The following GFOD2 variants were observed in gnomAD, a reference collection of about 807,000 sequenced individuals.
GFOD2 encodes the protein glucose-fructose oxidoreductase domain-containing protein 2.
Under a neutral mutation model 24.6 loss-of-function variants are expected in GFOD2, and 9 were observed. The observed-to-expected ratio is 0.37, with a 90% CI of 0.22 to 0.64. GFOD2 has a LOEUF of 0.64. Among genes scored for constraint, GFOD2 ranks in the 30% least tolerant of loss-of-function variants. The pLI is 0.65. For synonymous variants in GFOD2, 211 were observed against 224.8 expected, an observed-to-expected ratio of 0.94 and a Z score of 0.55; for missense variants, 476 against 532.5, an observed-to-expected ratio of 0.89 and a Z score of 1.04.
chr16:67,675,184 A>G lies in GFOD2; in HGVS notation c.1129T>C (p.Cys377Arg), dbSNP rs749180448. ...AGGTTGTTCCGCTGAAGTGCCTCAC[A>G]CAGGTTCTGGTTGGTGTCGGGCTCC... ...TEEPDTNQNLCEALQRNNL is the reference protein window; with the variant it reads ...TEEPDTNQNLREALQRNNL Residue 377 changes from cysteine to arginine, a missense_variant, in exon 3 of 3, where the codon TGT becomes CGT. Physicochemically the swap from Cys to Arg is radical, Grantham distance 180 (BLOSUM62 -3). Transcript: ENST00000268797. 1.2e-6 allele frequency: 2 copies of G among 1,613,846 alleles called. No homozygotes were observed. The highest frequency in any genetic ancestry group is 1.7e-5 in the Admixed American group (1 of 60,020).
intron 1 of GFOD2, among the ~76,000 whole-genome samples, chr16:67,687,533 C>T (rs187853000): frequency 0.011 from 1,634 of 147,204 alleles, 11 homozygotes; most frequent in Middle Eastern, 0.027. Context: ...CCCAGCTACT[C>T]GGGAGGCTGA....
At chr16:67,684,925 G>A (rs199947355) in intron 2 of GFOD2, 20 of 997,310 alleles carry the variant, frequency 2.0e-5, no homozygotes, top group Non-Finnish European at 2.2e-5. Context: ...GCAGGCTGTC[G>A]ACGGATCCTG....
intron 1 of GFOD2, among the ~76,000 whole-genome samples, chr16:67,708,234 G>T (rs1365665163): frequency 6.6e-6 from 1 of 152,166 alleles, no homozygotes; most frequent in African/African-American, 2.4e-5. Context: ...TGCAAATTCA[G>T]TTCTGTAATC....
chr16:67,718,608 A>G (rs1296226455), intron 1 of GFOD2, among the ~76,000 whole-genome samples: 2 of 152,208 alleles, frequency 1.3e-5, no homozygotes, highest in Non-Finnish European at 2.9e-5. Flanking sequence ...GGCCAGGGCC[A>G]TTGAGACGTG....
intron 1 of GFOD2, among the ~76,000 whole-genome samples, chr16:67,696,423 T>C (rs992557399): frequency 1.8e-4 from 27 of 151,892 alleles, no homozygotes; most frequent in African/African-American, 6.3e-4. Context: ...TGAGCCAATA[T>C]GAAGTGAAAA....
chr16:67,688,153 A>G (rs1490730928), intron 1 of GFOD2, among the ~76,000 whole-genome samples: 1 of 152,176 alleles, frequency 6.6e-6, no homozygotes, highest in African/African-American at 2.4e-5. Context: ...GACATTCACC[A>G]CATTGTCACT....
chr16:67,690,794 T>C (rs2053307053), intron 1 of GFOD2, among the ~76,000 whole-genome samples: 1 of 152,210 alleles, frequency 6.6e-6, no homozygotes, highest in Non-Finnish European at 1.5e-5. Flanking sequence ...AACTTCTATG[T>C]ATTACCTTTG....
chr16:67,708,295 C>CA (rs1489807505), intron 1 of GFOD2, among the ~76,000 whole-genome samples: 1 of 152,058 alleles, frequency 6.6e-6, no homozygotes, highest in Non-Finnish European at 1.5e-5. Flanking sequence ...TAAAACAAAA[C>CA]AAAAAAACCT....
At chr16:67,684,021 G>T in intron 2 of GFOD2, 1 of 421,964 alleles carries the variant, frequency 2.4e-6, no homozygotes, top group Non-Finnish European at 3.2e-6. Context: ...ATCTAACACA[G>T]CTTTGAATGT....
chr16:67,709,918 G>A (rs760670052), intron 1 of GFOD2, among the ~76,000 whole-genome samples: 1 of 151,060 alleles, frequency 6.6e-6, no homozygotes, highest in African/African-American at 2.4e-5. Context: ...GTGAGCCACC[G>A]TGCCCAGCCA....
intron 1 of GFOD2, among the ~76,000 whole-genome samples, chr16:67,704,071 A>G (rs1404213546): frequency 1.3e-5 from 2 of 151,810 alleles, no homozygotes; most frequent in South Asian, 2.1e-4. Context: ...TAGATACCAC[A>G]TTTTGCTTAT....
At chr16:67,716,205 G>A (rs1216509742) in intron 1 of GFOD2, among the ~76,000 whole-genome samples, 1 of 152,148 alleles carries the variant, frequency 6.6e-6, no homozygotes, top group Non-Finnish European at 1.5e-5. Context: ...TAGAAAATCA[G>A]TTCAGTGAAA....
At chr16:67,714,256 G>C (rs1017472429) in intron 1 of GFOD2, among the ~76,000 whole-genome samples, 1 of 148,392 alleles carries the variant, frequency 6.7e-6, no homozygotes, top group South Asian at 2.1e-4. Context: ...GAGGTGAGCC[G>C]ATCACTGAGG....
chr16:67,707,332 T>C (rs960859502), intron 1 of GFOD2, among the ~76,000 whole-genome samples: 7 of 142,690 alleles, frequency 4.9e-5, no homozygotes, highest in Non-Finnish European at 1.1e-4. Flanking sequence ...CACTCCAGCC[T>C]GGGCCACAGA....
In GFOD2 at chr16:67,675,831, C is replaced by G. The variant is rs1212304019; in HGVS notation, c.482G>C (p.Ser161Thr). 25 of 1,614,094 alleles carry G rather than the reference C, an allele frequency of 1.5e-5. No homozygotes were observed. Among genetic ancestry groups the G allele is most frequent in the Non-Finnish European group, 1.9e-5 (23 of 1,180,062 alleles). The stretch of plus-strand genomic sequence containing the variant: ...GAGCTCATCACAGATCCAGCCATAG[C>G]TGGGGCTCAGCAGGCTGCCTGAGTA... ...RIYSGSLLSP[S>T]YGWICDELMG... Residue 161 changes from serine to threonine, a missense_variant, in exon 3 of 3, where the codon AGC becomes ACC. Physicochemically the swap from Ser to Thr is moderately conservative, Grantham distance 58. Transcript: ENST00000268797.
At chr16:67,686,578 C>T (rs762750677) in intron 1 of GFOD2, among the ~76,000 whole-genome samples, 9 of 151,964 alleles carry the variant, frequency 5.9e-5, no homozygotes, top group Non-Finnish European at 1.0e-4. Flanking sequence ...ACCTGTAATC[C>T]CAGCACTTTG....
chr16:67,674,814 C>G lies in GFOD2; in HGVS notation c.*341G>C. ...CCTCAGGCCTCAGCCGAGCTGGCCC[C>G]TCTTGTGCTTTCTCACCCTGTTAGG... is the stretch of plus-strand genomic sequence containing the variant. On this transcript the variant is annotated 3_prime_UTR_variant, in exon 3 of 3. Coordinates refer to ENST00000268797, the MANE Select transcript of GFOD2 (RefSeq NM_030819.4). The G allele has an allele frequency of 3.9e-6, 1 of 257,108 alleles. No individual in the cohort carries two copies. The allele number at this position is 257,108 out of a possible 1,614,324, so 15.9% of individuals were successfully genotyped here.
intron 2 of GFOD2, 156 bp from the exon 3 acceptor site, chr16:67,676,209 G>A (rs1188970096): frequency 1.4e-6 from 1 of 703,830 alleles, no homozygotes; most frequent in African/African-American, 1.8e-5. Flanking sequence ...TGCTGCCCAG[G>A]CTAGTCTCAA....
At chr16:67,718,613 G>A (rs1360388993) in intron 1 of GFOD2, among the ~76,000 whole-genome samples, 1 of 152,220 alleles carries the variant, frequency 6.6e-6, no homozygotes, top group South Asian at 2.1e-4. Context: ...GGGCCATTGA[G>A]ACGTGGCCAT....
Sources: allele counts gnomAD v4.1 joint callset (sites outside exome capture counted in the v4.1 genomes callset), GRCh38; gene constraint gnomAD v4.1.1; transcripts MANE v1.5; gene names NCBI Gene and HGNC (gene_info 2026-07-23, HGNC 2026-07-21).